Variants in ABCC4 observed in about 807,000 individuals in gnomAD.
The protein encoded by ABCC4 is ATP-binding cassette sub-family C member 4.
ABCC4 carries 102 observed loss-of-function variants against 168.5 expected under a neutral mutation model. The ratio of observed to expected loss-of-function variants is 0.61; its 90% CI spans 0.52 to 0.71. The LOEUF (loss-of-function observed/expected upper bound fraction) is 0.71. ABCC4 is among the 30% of genes least tolerant of loss of function. The pLI is 0.00. For synonymous variants in ABCC4, 617 were observed against 590.7 expected (o/e 1.04, Z -0.65); for missense variants, 1,402 against 1,605.8 (o/e 0.87, Z 2.17).
chr13:95,063,233 T>C (rs190681871), intron 25 of ABCC4, among the ~76,000 whole-genome samples: 164 of 152,324 alleles, frequency 1.1e-3, no homozygotes, highest in Middle Eastern at 3.4e-3. Context: ...TTACTGGCAT[T>C]GAAAAGTCAA....
intron 3 of ABCC4, among the ~76,000 whole-genome samples, chr13:95,238,555 G>A (rs9524857): frequency 0.19 from 29,305 of 152,018 alleles, 3,610 homozygotes; most frequent in Non-Finnish European, 0.28. Flanking sequence ...CTGGAGACCC[G>A]CTGTGAAGAG....
intron 21 of ABCC4, among the ~76,000 whole-genome samples, chr13:95,077,664 T>C (rs2033952196): frequency 6.7e-6 from 1 of 149,928 alleles, no homozygotes; most frequent in Non-Finnish European, 1.5e-5. Flanking sequence ...GATGGCTACA[T>C]ATGTTTTATA....
intron 30 of ABCC4, among the ~76,000 whole-genome samples, chr13:95,029,522 A>T (rs2031767575): frequency 6.6e-6 from 1 of 152,036 alleles, no homozygotes; most frequent in Non-Finnish European, 1.5e-5. Flanking sequence ...TGGCAGAGTG[A>T]CTTACTTTTT....
intron 8 of ABCC4, among the ~76,000 whole-genome samples, chr13:95,204,052 C>G (rs2038711555): frequency 1.3e-5 from 2 of 152,104 alleles, no homozygotes; most frequent in African/African-American, 4.8e-5. Flanking sequence ...AAAAGTACCA[C>G]CAGGCTCCTG....
chr13:95,298,895 T>C (rs558046141), intron 1 of ABCC4, among the ~76,000 whole-genome samples: 1 of 152,186 alleles, frequency 6.6e-6, no homozygotes, highest in African/African-American at 2.4e-5. Context: ...AATGAACACC[T>C]ACTCAAGTCA....
At chr13:95,088,670 T>C (rs1005559004) in intron 20 of ABCC4, among the ~76,000 whole-genome samples, 1 of 152,018 alleles carries the variant, frequency 6.6e-6, no homozygotes, top group Non-Finnish European at 1.5e-5. Flanking sequence ...TAAAAGAAAA[T>C]GAAAACCTAA....
At chr13:95,183,846 G>A (rs564207313) in intron 11 of ABCC4, among the ~76,000 whole-genome samples, 16 of 152,062 alleles carry the variant, frequency 1.1e-4, no homozygotes, top group East Asian at 1.9e-4. Flanking sequence ...CCTGGGAGGC[G>A]GAGGTTGCAA....
chr13:95,063,113 C>T (rs1265019550), intron 25 of ABCC4, among the ~76,000 whole-genome samples: 1 of 152,174 alleles, frequency 6.6e-6, no homozygotes. Flanking sequence ...CAGGAGCACA[C>T]TCCCAAAATG....
At chr13:95,177,599 G>A (rs1338913163) in intron 13 of ABCC4, 108 bp downstream of exon 13, 2 of 795,702 alleles carry the variant, frequency 2.5e-6, no homozygotes, top group East Asian at 2.6e-5. Context: ...GTGTGGGGAG[G>A]GGAGCGGACA....
Position 95,076,198 on chromosome 13 carries a change from C to G in ABCC4, c.2687-647G>C, listed in dbSNP as rs1009257690. 2.6e-5 allele frequency among the ~76,000 whole-genome samples: 4 copies of G among 152,262 alleles called. No individual in the cohort carries two copies. In the South Asian group the frequency reaches 8.3e-4, roughly 32 times the overall value. On this transcript the variant is annotated intron_variant, in intron 21 of 30. Transcript: ENST00000645237. ...CCTGGGTGCTGCAATGCCCTTGTGCCGTGCCCAAGGAACCTGCCCAGCCAA... is the reference window on the plus strand; with the variant it reads ...CCTGGGTGCTGCAATGCCCTTGTGCGGTGCCCAAGGAACCTGCCCAGCCAA...
At chr13:95,259,936 C>T (rs558003877) in intron 1 of ABCC4, among the ~76,000 whole-genome samples, 1 of 151,974 alleles carries the variant, frequency 6.6e-6, no homozygotes, top group African/African-American at 2.4e-5. Context: ...AAGGGATCAA[C>T]ATCCCAGCTC....
Position 95,075,514 on chromosome 13 carries a change from G to T in ABCC4, c.2724C>A (p.Leu908=), listed in dbSNP as rs1314555085. 3.1e-6 allele frequency: 5 copies of T among 1,614,088 alleles called. No homozygotes were observed. In the South Asian group the frequency reaches 5.5e-5, roughly 18 times the overall value. The change falls in exon 22 of 31, where the codon CTC becomes CTA. Residue 908 remains leucine (L), a synonymous_variant. Coordinates refer to ENST00000645237, the MANE Select transcript of ABCC4 (RefSeq NM_005845.5). Reference sequence around the variant, plus strand: ...ATGCCCGGATGGTCCAGAGCCCCTGGAGAGAAGATGATAAGTGGGAAAACA... The same window carrying T: ...ATGCCCGGATGGTCCAGAGCCCCTGTAGAGAAGATGATAAGTGGGAAAACA... ...SPVFSHLSSS[L]QGLWTIRAYK...
chr13:95,022,158 G>A (rs1232481529), intron 30 of ABCC4, among the ~76,000 whole-genome samples: 7 of 152,166 alleles, frequency 4.6e-5, no homozygotes, highest in Non-Finnish European at 1.0e-4. Context: ...TGGCATATAC[G>A]TATGAAACAT....
At chr13:95,169,417 C>T (rs1300515023) in intron 14 of ABCC4, among the ~76,000 whole-genome samples, 1 of 152,174 alleles carries the variant, frequency 6.6e-6, no homozygotes, top group African/African-American at 2.4e-5. Context: ...TGTCCAGTAG[C>T]CTCTGTCCTA....
At chr13:95,166,083 A>G (rs530889529) in intron 15 of ABCC4, 75 bp downstream of exon 15, 1 of 1,296,822 alleles carries the variant, frequency 7.7e-7, no homozygotes, top group Non-Finnish European at 1.1e-6. Flanking sequence ...AGCTTTGAAC[A>G]GAGTAGACCA....
chr13:95,205,021 A>T (rs2038741269), intron 8 of ABCC4, among the ~76,000 whole-genome samples: 1 of 152,210 alleles, frequency 6.6e-6, no homozygotes, highest in African/African-American at 2.4e-5. Flanking sequence ...ACTCTGGTCA[A>T]AGTATACTCC....
At chr13:95,211,537 T>A (rs900772121) in intron 4 of ABCC4, among the ~76,000 whole-genome samples, 6 of 151,812 alleles carry the variant, frequency 4.0e-5, no homozygotes, top group African/African-American at 1.5e-4. Flanking sequence ...GGCTGCTGAA[T>A]AAAGAACACC....
chr13:95,227,403 G>C (rs2039495468), intron 4 of ABCC4, among the ~76,000 whole-genome samples: 1 of 144,972 alleles, frequency 6.9e-6, no homozygotes, highest in South Asian at 2.1e-4. Context: ...AAAAACTGTG[G>C]GGGAGAAAAG....
At chr13:95,064,530 T>TGG (rs1256351322) in intron 25 of ABCC4, among the ~76,000 whole-genome samples, 5 of 150,236 alleles carry the variant, frequency 3.3e-5, no homozygotes, top group African/African-American at 1.2e-4. Context: ...TGTGTGTGTG[T>TGG]GTGGGGCTTA....
Sources: gnomAD v4.1 joint callset for allele counts (sites outside exome capture counted in the v4.1 genomes callset) on GRCh38, gnomAD v4.1.1 for gene constraint, MANE v1.5 for transcripts, NCBI Gene and HGNC (gene_info 2026-07-23, HGNC 2026-07-21) for gene names.